TYR: variants seen among roughly 807,000 people sequenced by gnomAD.
The protein encoded by TYR is LB24-AB.
In TYR, 58 loss-of-function variants were observed where a neutral mutation model predicts 51.5. The ratio of observed to expected loss-of-function variants is 1.13; its 90% CI spans 0.91 to 1.40. TYR has a LOEUF of 1.40. Among genes scored for constraint, TYR ranks in the 40% most tolerant of loss-of-function variants. The pLI, the probability that TYR is intolerant of heterozygous loss-of-function variation, is 0.00. For missense variants in TYR, 732 were observed against 647.4 expected (o/e 1.13, Z -1.42); for synonymous variants, 263 against 235.2 (o/e 1.12, Z -1.08).
At chr11:89,243,230 G>T (rs763983302) in intron 3 of TYR, among the ~76,000 whole-genome samples, 1 of 152,174 alleles carries the variant, frequency 6.6e-6, no homozygotes, top group Non-Finnish European at 1.5e-5. Context: ...TGTTTTAGAA[G>T]ATTCCGTTTT....
chr11:89,265,872 C>T (rs1360690161), intron 3 of TYR, among the ~76,000 whole-genome samples: 1 of 151,704 alleles, frequency 6.6e-6, no homozygotes, highest in Non-Finnish European at 1.5e-5. Flanking sequence ...GTCAATTTTT[C>T]CAATTGGAAT....
chr11:89,289,174 A>C (rs1944828439), intron 4 of TYR, among the ~76,000 whole-genome samples: 1 of 152,062 alleles, frequency 6.6e-6, no homozygotes. Flanking sequence ...TCTACGTAGC[A>C]GAAAAACTCT....
intron 2 of TYR, among the ~76,000 whole-genome samples, chr11:89,218,134 A>G (rs1943856716): frequency 6.6e-6 from 1 of 152,160 alleles, no homozygotes; most frequent in African/African-American, 2.4e-5. Flanking sequence ...GAGGCCTATA[A>G]CATAAAAACA....
At chr11:89,278,610 T>C (rs1288791446) in intron 3 of TYR, among the ~76,000 whole-genome samples, 1 of 151,684 alleles carries the variant, frequency 6.6e-6, no homozygotes, top group Non-Finnish European at 1.5e-5. Context: ...AAATATTTTA[T>C]AATTATTTTA....
At chr11:89,259,255 C>T (rs1427867546) in intron 3 of TYR, among the ~76,000 whole-genome samples, 1 of 152,110 alleles carries the variant, frequency 6.6e-6, no homozygotes, top group African/African-American at 2.4e-5. Flanking sequence ...GCCTAGACAT[C>T]TTCCTTGCAA....
At chr11:89,197,477 T>C (rs199833305) in intron 2 of TYR, among the ~76,000 whole-genome samples, 2 of 152,192 alleles carry the variant, frequency 1.3e-5, no homozygotes, top group East Asian at 3.8e-4. Flanking sequence ...AACCATAACA[T>C]TCTTATCTTC....
At chr11:89,209,639 A>G (rs1943724541) in intron 2 of TYR, among the ~76,000 whole-genome samples, 1 of 152,118 alleles carries the variant, frequency 6.6e-6, no homozygotes. Context: ...AGCTCCGATA[A>G]TGGACAGACG....
At chr11:89,280,521 A>T (rs1011984388) in intron 3 of TYR, among the ~76,000 whole-genome samples, 1 of 151,234 alleles carries the variant, frequency 6.6e-6, no homozygotes, top group Non-Finnish European at 1.5e-5. Flanking sequence ...TACATTATTC[A>T]TGATTTTCTG....
intron 3 of TYR, among the ~76,000 whole-genome samples, chr11:89,276,851 T>A (rs1309599807): frequency 6.6e-6 from 1 of 151,788 alleles, no homozygotes; most frequent in Admixed American, 6.6e-5. Flanking sequence ...CTATTATTAG[T>A]AACAGAGTGG....
chr11:89,212,336 G>T (rs902425231), intron 2 of TYR, among the ~76,000 whole-genome samples: 3 of 152,042 alleles, frequency 2.0e-5, no homozygotes, highest in African/African-American at 7.3e-5. Flanking sequence ...AGAAAATCTA[G>T]AAGAAATGGA....
At chr11:89,274,796 C>G (rs1227493550) in intron 3 of TYR, among the ~76,000 whole-genome samples, 2 of 151,766 alleles carry the variant, frequency 1.3e-5, no homozygotes, top group Non-Finnish European at 2.9e-5. Flanking sequence ...CTTTTGTGTT[C>G]ATCTGGCAGG....
chr11:89,205,321 G>GA (rs1943659358), intron 2 of TYR, among the ~76,000 whole-genome samples: 1 of 152,026 alleles, frequency 6.6e-6, no homozygotes, highest in Admixed American at 6.6e-5. Flanking sequence ...AAAGAGGGGA[G>GA]AAAAATCAGT....
intron 2 of TYR, chr11:89,191,941 G>T (rs1943451312): frequency 2.6e-6 from 1 of 391,166 alleles, no homozygotes; most frequent in African/African-American, 2.2e-5. Context: ...TGGAATTTCA[G>T]ATATAAGTCT....
chr11:89,272,941 C>T (rs1443541341), intron 3 of TYR, among the ~76,000 whole-genome samples: 1 of 151,926 alleles, frequency 6.6e-6, no homozygotes, highest in Admixed American at 6.6e-5. Context: ...GAGCTGGGGC[C>T]TTGCTCTGGA....
rs1034420270 is a variant in TYR, at chr11:89,295,709, T to C, written c.*343T>C. ...TGCCTTCTGATTATTTAAAGATCTATATATGTTTTATTGGCCCCTTCTTTA... is the reference window on the plus strand; with the variant it reads ...TGCCTTCTGATTATTTAAAGATCTACATATGTTTTATTGGCCCCTTCTTTA... On this transcript the variant is annotated 3_prime_UTR_variant, in exon 5 of 5. Transcript: ENST00000263321. 5 of 268,750 alleles carry C rather than the reference T, an allele frequency of 1.9e-5. No homozygotes were observed. The highest frequency in any genetic ancestry group is 2.9e-5 in the Non-Finnish European group (4 of 137,558). 16.6% of individuals were successfully genotyped at this position (268,750 alleles called of 1,614,324 possible).
intron 2 of TYR, 107 bp downstream of exon 2, chr11:89,191,525 C>G (rs1483688857): frequency 3.8e-6 from 4 of 1,064,550 alleles, no homozygotes; most frequent in Non-Finnish European, 5.7e-6. Flanking sequence ...CTGAGTTGAC[C>G]AAGAATATGT....
chr11:89,217,769 G>T (rs1358893847), intron 2 of TYR, among the ~76,000 whole-genome samples: 1 of 152,140 alleles, frequency 6.6e-6, no homozygotes, highest in Non-Finnish European at 1.5e-5. Context: ...AACTGTGAAA[G>T]AATAGATAAT....
chr11:89,271,659 T>C (rs2135315118), intron 3 of TYR, among the ~76,000 whole-genome samples: 1 of 152,038 alleles, frequency 6.6e-6, no homozygotes, highest in South Asian at 2.1e-4. Context: ...GTTTGCTACA[T>C]TGATTGACTC....
chr11:89,182,684 G>A (rs1360760052), intron 1 of TYR, among the ~76,000 whole-genome samples: 1 of 151,970 alleles, frequency 6.6e-6, no homozygotes, highest in East Asian at 1.9e-4. Flanking sequence ...TTTAAATTAG[G>A]GGCCATGTTT....
Sources: gnomAD v4.1 joint callset for allele counts (sites outside exome capture counted in the v4.1 genomes callset) on GRCh38, gnomAD v4.1.1 for gene constraint, MANE v1.5 for transcripts, NCBI Gene and HGNC (gene_info 2026-07-23, HGNC 2026-07-21) for gene names.